EPHA5: variants seen among roughly 807,000 people sequenced by gnomAD.
The protein encoded by EPHA5 is EPH receptor A5, also known as ephrin type-A receptor 5.
In EPHA5, 60 loss-of-function variants were observed where a neutral mutation model predicts 105.0. That is an observed-to-expected ratio of 0.57 (90% CI 0.46 to 0.71). The LOEUF (loss-of-function observed/expected upper bound fraction) is 0.71. Ranked by LOEUF, EPHA5 falls within the 30% of genes least tolerant of loss-of-function variation. The pLI is 0.00. For synonymous variants in EPHA5, 513 were observed against 449.1 expected (o/e 1.14, Z -1.80); for missense variants, 1,218 against 1,274.7 (o/e 0.96, Z 0.68).
chr4:65,339,656 AG>A (rs1038328649), intron 14 of EPHA5, among the ~76,000 whole-genome samples: 1 of 152,172 alleles, frequency 6.6e-6, no homozygotes, highest in Non-Finnish European at 1.5e-5. Flanking sequence ...TGACAAAAAC[AG>A]GTAAGATAAT....
chr4:65,503,809 A>T (rs912692006), intron 3 of EPHA5, among the ~76,000 whole-genome samples: 1 of 151,648 alleles, frequency 6.6e-6, no homozygotes, highest in Non-Finnish European at 1.5e-5. Context: ...TACCCGTCAC[A>T]TATTTAGAAA....
intron 1 of EPHA5, among the ~76,000 whole-genome samples, chr4:65,643,669 T>A (rs1181766342): frequency 6.6e-6 from 1 of 151,756 alleles, no homozygotes; most frequent in Non-Finnish European, 1.5e-5. Context: ...TTACCCTAAT[T>A]TTTTTCTTGC....
At chr4:65,564,682 T>C (rs1240669243) in intron 3 of EPHA5, among the ~76,000 whole-genome samples, 1 of 151,808 alleles carries the variant, frequency 6.6e-6, no homozygotes, top group African/African-American at 2.4e-5. Context: ...TTTATACATT[T>C]CGTGAACTTC....
intron 14 of EPHA5, among the ~76,000 whole-genome samples, chr4:65,341,990 T>C (rs1038371969): frequency 6.6e-5 from 10 of 152,172 alleles, no homozygotes; most frequent in Admixed American, 3.9e-4. Flanking sequence ...CTAAGATAGT[T>C]ATTAAAGATA....
intron 3 of EPHA5, among the ~76,000 whole-genome samples, chr4:65,538,201 T>C (rs1736478138): frequency 6.6e-6 from 1 of 151,810 alleles, no homozygotes; most frequent in Admixed American, 6.6e-5. Flanking sequence ...GAGATATATC[T>C]AATTGCCAAA....
At chr4:65,484,063 T>C (rs953872907) in intron 5 of EPHA5, among the ~76,000 whole-genome samples, 11 of 152,174 alleles carry the variant, frequency 7.2e-5, no homozygotes, top group African/African-American at 2.7e-4. Context: ...GTACAGGCAA[T>C]GTGGTTTCTC....
chr4:65,446,573 CT>C (rs1726551863), intron 5 of EPHA5, among the ~76,000 whole-genome samples: 1 of 152,126 alleles, frequency 6.6e-6, no homozygotes, highest in Admixed American at 6.6e-5. Context: ...TAAAACACCT[CT>C]TCTGGACCTG....
intron 6 of EPHA5, among the ~76,000 whole-genome samples, chr4:65,417,929 G>T (rs1328883924): frequency 2.6e-5 from 4 of 151,908 alleles, no homozygotes; most frequent in Admixed American, 6.6e-5. Flanking sequence ...AATATCAAAG[G>T]TTATTCATAA....
chr4:65,625,678 G>A (rs1041577683), intron 2 of EPHA5, among the ~76,000 whole-genome samples: 4 of 152,068 alleles, frequency 2.6e-5, no homozygotes, highest in African/African-American at 9.7e-5. Flanking sequence ...GTTATGATAA[G>A]AAATAGTCCA....
chr4:65,517,448 TGA>T (rs1311437877), intron 3 of EPHA5, among the ~76,000 whole-genome samples: 1 of 151,926 alleles, frequency 6.6e-6, no homozygotes. Context: ...AGAATAAATT[TGA>T]GTTTTGATTT....
intron 8 of EPHA5, among the ~76,000 whole-genome samples, chr4:65,393,886 C>T (rs1720963910): frequency 6.6e-6 from 1 of 152,148 alleles, no homozygotes; most frequent in Admixed American, 6.6e-5. Context: ...AGCTGCACTC[C>T]TCCAGTCATA....
intron 5 of EPHA5, among the ~76,000 whole-genome samples, chr4:65,450,571 ATG>A (rs1428519864): frequency 3.3e-5 from 5 of 152,180 alleles, no homozygotes; most frequent in Non-Finnish European, 7.4e-5. Flanking sequence ...GGCAAATAAT[ATG>A]TGACAATGTG....
chr4:65,493,609 T>C (rs141094664), intron 4 of EPHA5, among the ~76,000 whole-genome samples: 1 of 152,144 alleles, frequency 6.6e-6, no homozygotes, highest in African/African-American at 2.4e-5. Context: ...AATTTAATTT[T>C]ATTTTACTTT....
chr4:65,546,885 A>G (rs1578392740), intron 3 of EPHA5, among the ~76,000 whole-genome samples: 1 of 152,034 alleles, frequency 6.6e-6, no homozygotes, highest in Admixed American at 6.6e-5. Flanking sequence ...ATTCAAGACA[A>G]CTAAATCCAT....
chr4:65,342,754 ATAATT>A (rs1293910673), intron 14 of EPHA5, among the ~76,000 whole-genome samples: 3 of 151,750 alleles, frequency 2.0e-5, no homozygotes, highest in Non-Finnish European at 4.4e-5. Context: ...ACATACACAT[ATAATT>A]TATACTGCTG....
At chr4:65,422,850 A>G (rs1209352830) in intron 5 of EPHA5, among the ~76,000 whole-genome samples, 2 of 152,080 alleles carry the variant, frequency 1.3e-5, no homozygotes, top group Non-Finnish European at 2.9e-5. Flanking sequence ...GCATTCCCAC[A>G]TACCTTACAT....
At chr4:65,557,363 A>T (rs990456494) in intron 3 of EPHA5, among the ~76,000 whole-genome samples, 1 of 150,626 alleles carries the variant, frequency 6.6e-6, no homozygotes, top group Non-Finnish European at 1.5e-5. Context: ...ATGTATTGAA[A>T]AATTAAAGTT....
chr4:65,641,346 T>C (rs1747648345), intron 2 of EPHA5, among the ~76,000 whole-genome samples: 1 of 152,202 alleles, frequency 6.6e-6, no homozygotes, highest in Non-Finnish European at 1.5e-5. Context: ...AAGATGTTGT[T>C]TGAATCCAGA....
At chr4:65,399,272 A>G (rs1177259489) in intron 8 of EPHA5, among the ~76,000 whole-genome samples, 1 of 152,030 alleles carries the variant, frequency 6.6e-6, no homozygotes. Context: ...GGAGCAACCC[A>G]CCCCTCCACA....
Sources: gnomAD v4.1 joint callset for allele counts (sites outside exome capture counted in the v4.1 genomes callset) on GRCh38, gnomAD v4.1.1 for gene constraint, MANE v1.5 for transcripts, NCBI Gene and HGNC (gene_info 2026-07-23, HGNC 2026-07-21) for gene names.